The following NF2 variants were observed in gnomAD, a reference collection of about 807,000 sequenced individuals.
NF2 encodes the protein merlin.
Under a neutral mutation model 83.7 loss-of-function variants are expected in NF2, and 8 were observed. That is an observed-to-expected ratio of 0.10 (90% CI 0.06 to 0.17). The LOEUF is 0.17. Ranked by LOEUF, NF2 falls within the 10% of genes least tolerant of loss-of-function variation. The pLI, the probability that NF2 is intolerant of heterozygous loss-of-function variation, is 1.00. For missense variants in NF2, 533 were observed against 744.4 expected, an observed-to-expected ratio of 0.72 and a Z score of 3.31; for synonymous variants, 266 against 269.6, an observed-to-expected ratio of 0.99 and a Z score of 0.13.
chr22:29,624,807 TTCTTTCTTTCTTTCTTTCTTTCTTTC>T (rs1197118398), intron 1 of NF2, among the ~76,000 whole-genome samples: 2 of 36,262 alleles, frequency 5.5e-5, no homozygotes, highest in Non-Finnish European at 1.2e-4. Context: ...TCCTCTTTCT[TTCTTTCTTTCTTTCTTTCTTTCTTTC>T]TTTCTTTCTT....
chr22:29,632,365 T>C (rs1259652617), intron 1 of NF2, among the ~76,000 whole-genome samples: 1 of 152,128 alleles, frequency 6.6e-6, no homozygotes, highest in Non-Finnish European at 1.5e-5. Context: ...TTGGTTCCTC[T>C]TTTCTACCAT....
intron 4 of NF2, among the ~76,000 whole-genome samples, chr22:29,650,090 G>T (rs1428023239): frequency 6.6e-6 from 1 of 152,148 alleles, no homozygotes; most frequent in Non-Finnish European, 1.5e-5. Flanking sequence ...GTGATGGCTA[G>T]TGGGTACAGG....
At position 29,626,153 on chromosome 22, in the gene NF2, CTTTTT is replaced by C. The variant is rs34704204; in HGVS notation, c.115-10583_115-10579del. Among the ~76,000 whole-genome samples, 12 of 128,222 alleles carry C rather than the reference CTTTTT, an allele frequency of 9.4e-5. No individual in the cohort carries two copies. In the South Asian group the frequency reaches 2.8e-3, roughly 30 times the overall value. The allele number at this position is 128,222 out of a possible 152,430, so 84.1% of individuals were successfully genotyped here. On this transcript the variant is annotated intron_variant, in intron 1 of 15. Coordinates refer to ENST00000338641, the MANE Select transcript of NF2 (RefSeq NM_000268.4). ...ACGGTAGTTCTCATCCATCTGCAGACTTTTTTTTTTTTTTTTTTTGAGATGGAGTC... is the reference window on the plus strand; with the variant it reads ...ACGGTAGTTCTCATCCATCTGCAGACTTTTTTTTTTTTTTGAGATGGAGTC...
chr22:29,666,194 G>C (rs1356481832), intron 9 of NF2, among the ~76,000 whole-genome samples: 2 of 151,630 alleles, frequency 1.3e-5, no homozygotes, highest in Non-Finnish European at 2.9e-5. Flanking sequence ...TCACTCTGTT[G>C]CCCAGGCACA....
At chr22:29,655,571 T>C (rs1405111080) in intron 5 of NF2, 23 bp from the exon 6 acceptor site, 2 of 1,580,952 alleles carry the variant, frequency 1.3e-6, no homozygotes, top group Non-Finnish European at 8.7e-7. Context: ...GTAGGTTTTT[T>C]ATTTTGCTCT....
intron 1 of NF2, among the ~76,000 whole-genome samples, chr22:29,623,469 G>C (rs2065268070): frequency 6.6e-6 from 1 of 152,192 alleles, no homozygotes; most frequent in Admixed American, 6.5e-5. Context: ...CTTTGGGCAA[G>C]GTATCACATT....
intron 15 of NF2, among the ~76,000 whole-genome samples, chr22:29,686,656 A>G (rs1409167709): frequency 1.3e-5 from 2 of 152,370 alleles, no homozygotes; most frequent in South Asian, 2.1e-4. Context: ...AAATAAATAA[A>G]TAGCCATAAT....
At chr22:29,661,462 G>C (rs752268618) in intron 8 of NF2, 123 bp downstream of exon 8, 84 of 1,417,914 alleles carry the variant, frequency 5.9e-5, no homozygotes, top group Non-Finnish European at 7.7e-5. Context: ...CCCAGGCTTT[G>C]AGGGTGTGGT....
At chr22:29,680,301 G>A (rs2067092575) in intron 14 of NF2, among the ~76,000 whole-genome samples, 1 of 152,114 alleles carries the variant, frequency 6.6e-6, no homozygotes, top group South Asian at 2.1e-4. Flanking sequence ...TAGTAGAGAT[G>A]GGGTTTCACC....
In NF2 at chr22:29,689,785, C is replaced by G. The variant is rs1015650398; in HGVS notation, c.1738-4967C>G. Among the ~76,000 whole-genome samples, 12 of 152,330 alleles carry G rather than the reference C, an allele frequency of 7.9e-5. No individual in the cohort carries two copies. In the South Asian group the frequency reaches 2.5e-3, roughly 32 times the overall value. On this transcript the variant is annotated intron_variant, in intron 15 of 15. Coordinates refer to ENST00000338641, the MANE Select transcript of NF2 (RefSeq NM_000268.4). ...TAGCTCTGTGTCTCCCCCAACCTTC[C>G]CTTGCTTTAGGAACAAGATGATCAC...
chr22:29,647,247 A>G (rs1368842540), intron 4 of NF2, among the ~76,000 whole-genome samples: 1 of 152,106 alleles, frequency 6.6e-6, no homozygotes, highest in African/African-American at 2.4e-5. Flanking sequence ...CAGAAGAGAG[A>G]AAAGAATTGT....
chr22:29,684,126 C>T (rs1026538729), intron 15 of NF2: 9 of 178,626 alleles, frequency 5.0e-5, no homozygotes, highest in African/African-American at 7.1e-5. Context: ...GTTAAAGTCC[C>T]TGATAGATCT....
chr22:29,640,153 T>A (rs1352161380), intron 3 of NF2, among the ~76,000 whole-genome samples: 14 of 134,320 alleles, frequency 1.0e-4, no homozygotes, highest in Non-Finnish European at 4.6e-5. Flanking sequence ...CAAAATTGAG[T>A]CACTTCACTC....
intron 15 of NF2, among the ~76,000 whole-genome samples, chr22:29,691,748 G>C (rs1027298930): frequency 5.1e-4 from 78 of 152,374 alleles, no homozygotes; most frequent in African/African-American, 1.8e-3. Context: ...GGGCGTGCAG[G>C]TGGCAGAGCT....
Position 29,697,374 on chromosome 22 carries a change from A to G in NF2, c.*2572A>G. 5.1e-6 allele frequency: 1 copy of G among 195,832 alleles called. No individual in the cohort carries two copies. Among genetic ancestry groups the G allele is most frequent in the Non-Finnish European group, 1.1e-5 (1 of 94,216 alleles). 12.1% of individuals were successfully genotyped at this position (195,832 alleles called of 1,614,324 possible). A position where few individuals can be genotyped will look rare whatever the true frequency, so the allele number is the denominator to read the frequency against. On this transcript the variant is annotated 3_prime_UTR_variant, in exon 16 of 16. Transcript: ENST00000338641. ...TGGGGCTCCAGGGAGCAGGCTGGGA[A>G]CTGCAGGACCTTGCTCAGCCAGGAG...
chr22:29,644,024 C>A (rs555281623), intron 4 of NF2, among the ~76,000 whole-genome samples: 6 of 150,956 alleles, frequency 4.0e-5, no homozygotes, highest in East Asian at 3.9e-4. Context: ...GGGGGCTGAC[C>A]CCCCCACCTC....
In NF2 at chr22:29,655,588, T is replaced by G; in HGVS notation, c.517-6T>G. 3 of 1,609,948 alleles carry G rather than the reference T, an allele frequency of 1.9e-6. No homozygotes were observed. The highest frequency in any genetic ancestry group is 2.6e-6 in the Non-Finnish European group (3 of 1,176,268). On this transcript the variant is annotated splice_polypyrimidine_tract_variant and splice_region_variant and intron_variant, in intron 5 of 15. Transcript: ENST00000338641. ...AGGTTTTTTATTTTGCTCTATTTTT[T>G]GGTAGGTAATAAATCTGTATCAGAT...
At chr22:29,673,928 C>T (rs1337528057) in intron 12 of NF2, among the ~76,000 whole-genome samples, 1 of 152,194 alleles carries the variant, frequency 6.6e-6, no homozygotes, top group Non-Finnish European at 1.5e-5. Flanking sequence ...TGCCTGCATC[C>T]CCCAGCCTTT....
chr22:29,696,025 C>T lies in NF2; in HGVS notation c.*1223C>T, dbSNP rs2067541134. 2 of 233,266 alleles carry T rather than the reference C, an allele frequency of 8.6e-6. No individual in the cohort carries two copies. The highest frequency in any genetic ancestry group is 1.7e-5 in the Non-Finnish European group (2 of 118,184). 14.4% of individuals were successfully genotyped at this position (233,266 alleles called of 1,614,324 possible). ...CAACAGAGGGCCACAGAACCACCCCCACGGCTCACTCCTTGGTCTGGGGCC... is the reference window on the plus strand; with the variant it reads ...CAACAGAGGGCCACAGAACCACCCCTACGGCTCACTCCTTGGTCTGGGGCC... On this transcript the variant is annotated 3_prime_UTR_variant, in exon 16 of 16. Coordinates refer to ENST00000338641, the MANE Select transcript of NF2 (RefSeq NM_000268.4).
Sources: allele counts gnomAD v4.1 joint callset (sites outside exome capture counted in the v4.1 genomes callset), GRCh38; gene constraint gnomAD v4.1.1; transcripts MANE v1.5; gene names NCBI Gene and HGNC (gene_info 2026-07-23, HGNC 2026-07-21).